SNX27: variants seen among roughly 807,000 people sequenced by gnomAD.
The protein encoded by SNX27 is sorting nexin 27.
In SNX27, 22 loss-of-function variants were observed where a neutral mutation model predicts 71.6. The observed-to-expected ratio is 0.31, with a 90% CI of 0.22 to 0.44. SNX27 has a LOEUF of 0.44. Ranked by LOEUF, SNX27 falls within the 20% of genes least tolerant of loss-of-function variation. The pLI, the probability that SNX27 is intolerant of heterozygous loss-of-function variation, is 1.00. For synonymous variants in SNX27, 269 were observed against 277.2 expected (o/e 0.97, Z 0.29); for missense variants, 531 against 698.6 (o/e 0.76, Z 2.70).
At chr1:151,626,265 C>CTT (rs201039962) in intron 1 of SNX27, among the ~76,000 whole-genome samples, 5 of 146,642 alleles carry the variant, frequency 3.4e-5, no homozygotes, top group African/African-American at 7.5e-5. Flanking sequence ...ATGTGATTAA[C>CTT]TTTTTTTTTT....
chr1:151,641,260 T>G (rs1165899945), intron 2 of SNX27, among the ~76,000 whole-genome samples: 2 of 152,116 alleles, frequency 1.3e-5, no homozygotes, highest in Non-Finnish European at 2.9e-5. Context: ...TAAGTTTAAC[T>G]TTATAAAAAA....
At chr1:151,680,223 C>G (rs982901014) in intron 7 of SNX27, 1 of 148,322 alleles carries the variant, frequency 6.7e-6, no homozygotes, top group Admixed American at 6.8e-5. Context: ...ATGATCTGGG[C>G]TCACGGAGAT....
intron 5 of SNX27, among the ~76,000 whole-genome samples, chr1:151,663,079 A>G (rs759574240): frequency 7.9e-5 from 12 of 151,918 alleles, no homozygotes; most frequent in Non-Finnish European, 1.5e-4. Context: ...CATTTTTCCA[A>G]TTGTCTAAAA....
chr1:151,644,853 C>A, intron 2 of SNX27, among the ~76,000 whole-genome samples: 1 of 152,042 alleles, frequency 6.6e-6, no homozygotes, highest in Non-Finnish European at 1.5e-5. Context: ...GGCTGGAGTG[C>A]AGTGGCGCAA....
In SNX27 at chr1:151,694,565, C is replaced by A; in HGVS notation, c.*148C>A. ...CCCTAAACTAAATATTATTAATAAC[C>A]CCCTCTGAATTTCATGTCTCTGGAA... On this transcript the variant is annotated 3_prime_UTR_variant, in exon 12 of 12. Coordinates refer to ENST00000458013, the MANE Select transcript of SNX27 (RefSeq NM_001330723.2). 1 of 737,044 alleles carries A rather than the reference C, an allele frequency of 1.4e-6. No homozygotes were observed. The highest frequency in any genetic ancestry group is 2.0e-6 in the Non-Finnish European group (1 of 488,394). The allele number at this position is 737,044 out of a possible 1,614,324, so 45.7% of individuals were successfully genotyped here. A position where few individuals can be genotyped will look rare whatever the true frequency, so the allele number is the denominator to read the frequency against.
intron 6 of SNX27, chr1:151,666,807 T>C (rs1427517598): frequency 6.6e-6 from 1 of 152,196 alleles, no homozygotes; most frequent in Non-Finnish European, 1.5e-5. Context: ...ATATTTTTTT[T>C]CTTCCCAACT....
At chr1:151,614,840 C>T (rs945125278) in intron 1 of SNX27, among the ~76,000 whole-genome samples, 2 of 152,250 alleles carry the variant, frequency 1.3e-5, no homozygotes, top group African/African-American at 4.8e-5. Flanking sequence ...AGGAACTAAA[C>T]CAAAAAGAAT....
intron 5 of SNX27, among the ~76,000 whole-genome samples, chr1:151,664,344 T>G (rs1281835401): frequency 6.6e-6 from 1 of 151,892 alleles, no homozygotes; most frequent in East Asian, 1.9e-4. Context: ...CTTTGGCCAA[T>G]GAATGCTCCT....
intron 8 of SNX27, among the ~76,000 whole-genome samples, chr1:151,691,003 C>A (rs1169097029): frequency 6.6e-6 from 1 of 152,174 alleles, no homozygotes; most frequent in African/African-American, 2.4e-5. Context: ...GAGTTCTGTT[C>A]TATACCACCC....
Position 151,612,576 on chromosome 1 carries a change from C to G in SNX27, c.311+64C>G. 8.5e-7 allele frequency: 1 copy of G among 1,181,746 alleles called. No homozygotes were observed. Among genetic ancestry groups the G allele is most frequent in the Non-Finnish European group, 1.1e-6 (1 of 920,810 alleles). 73.2% of individuals were successfully genotyped at this position (1,181,746 alleles called of 1,614,324 possible). On this transcript the variant is annotated intron_variant, in intron 1 of 11. Coordinates refer to ENST00000458013, the MANE Select transcript of SNX27 (RefSeq NM_001330723.2). This position sits in a 1 kb window ranked among gnomAD's most constrained non-coding sequence, Gnocchi z 5.2. ...GCCCCTCCTGCCCCTGCACTCCTCG[C>G]TACCCTTGTCACCCCCAGGCCGCAC...
intron 8 of SNX27, among the ~76,000 whole-genome samples, chr1:151,689,502 G>A (rs1036828431): frequency 1.3e-5 from 2 of 152,116 alleles, no homozygotes; most frequent in Non-Finnish European, 2.9e-5. Context: ...TGCCTTTGTC[G>A]GCATGCTTCT....
At chr1:151,632,684 G>T (rs1668295440) in intron 1 of SNX27, among the ~76,000 whole-genome samples, 1 of 151,980 alleles carries the variant, frequency 6.6e-6, no homozygotes, top group South Asian at 2.1e-4. Flanking sequence ...TATTTAAGCA[G>T]TTTTATGCTG....
At chr1:151,663,578 CTGTT>C (rs1670059396) in intron 5 of SNX27, among the ~76,000 whole-genome samples, 1 of 151,902 alleles carries the variant, frequency 6.6e-6, no homozygotes, top group African/African-American at 2.4e-5. Context: ...CTGAATATAT[CTGTT>C]TGTTTTCTGG....
chr1:151,664,044 A>G (rs934457127), intron 5 of SNX27, among the ~76,000 whole-genome samples: 4 of 150,218 alleles, frequency 2.7e-5, no homozygotes, highest in Non-Finnish European at 4.4e-5. Context: ...CAGGATACAT[A>G]TTTAAGCTTT....
chr1:151,657,184 G>A lies in SNX27; in HGVS notation c.544-1051G>A, dbSNP rs1669735367. ...ATTCCACTGTTGCTGAAATCATTTT[G>A]TTTTTTTGAGACAGTGTGTCCTTCT... On this transcript the variant is annotated intron_variant, in intron 2 of 11. Coordinates refer to ENST00000458013, the MANE Select transcript of SNX27 (RefSeq NM_001330723.2). Among the ~76,000 whole-genome samples, 3 of 152,086 alleles carry A rather than the reference G, an allele frequency of 2.0e-5. No individual in the cohort carries two copies. In the South Asian group the frequency reaches 6.2e-4, roughly 32 times the overall value.
rs534533655 is a variant in SNX27 at position 151,651,901 on chromosome 1, G to A, written c.544-6334G>A. Reference sequence around the variant, plus strand: ...GCCGAGATCACGCCACTGCACTCCAGCCTGGGCACCATTGAGCACTGAGTG... The same window carrying A: ...GCCGAGATCACGCCACTGCACTCCAACCTGGGCACCATTGAGCACTGAGTG... On this transcript the variant is annotated intron_variant, in intron 2 of 11. Transcript: ENST00000458013. Among the ~76,000 whole-genome samples, 1,440 of 152,096 alleles carry A rather than the reference G, an allele frequency of 9.5e-3. 29 individuals carry two copies. Among genetic ancestry groups the A allele is most frequent in the African/African-American group, 0.033 (1,353 of 41,534 alleles).
chr1:151,668,702 C>T, intron 7 of SNX27, 67 bp downstream of exon 7: 1 of 1,461,188 alleles, frequency 6.8e-7, no homozygotes. Flanking sequence ...GGTACTTTGC[C>T]AATTCCCTGT....
chr1:151,695,421 T>TC lies in SNX27; in HGVS notation c.*1004_*1005insC, dbSNP rs1322024246. ...CCTGTTTTCCTTGCCTTTTTTTTTT[T>TC]TTTTTTTTTTTTTTTCTGAGACAGG... is the stretch of plus-strand genomic sequence containing the variant. On this transcript the variant is annotated 3_prime_UTR_variant, in exon 12 of 12. Transcript: ENST00000458013. 1 of 139,454 alleles carries TC rather than the reference T, an allele frequency of 7.2e-6. No homozygotes were observed. The highest frequency in any genetic ancestry group is 2.8e-5 in the African/African-American group (1 of 36,250). The allele number at this position is 139,454 out of a possible 1,614,324, so 8.6% of individuals were successfully genotyped here.
At position 151,641,680 on chromosome 1, in the gene SNX27, ATC is replaced by A. The variant is rs1272590320; in HGVS notation, c.543+2563_543+2564del. 1.0e-4 allele frequency among the ~76,000 whole-genome samples: 14 copies of A among 138,570 alleles called. 1 individual carries two copies. The South Asian group carries it at 1.6e-3, about 16-fold the overall frequency. The allele number at this position is 138,570 out of a possible 152,430, so 90.9% of individuals were successfully genotyped here. A position where few individuals can be genotyped will look rare whatever the true frequency, so the allele number is the denominator to read the frequency against. On this transcript the variant is annotated intron_variant, in intron 2 of 11. Coordinates refer to ENST00000458013, the MANE Select transcript of SNX27 (RefSeq NM_001330723.2). The stretch of plus-strand genomic sequence containing the variant: ...TGTATCAGATATATATATCATATAT[ATC>A]TGATATATATATCATATATATGATA...
Sources: gnomAD v4.1 joint callset for allele counts (sites outside exome capture counted in the v4.1 genomes callset) on GRCh38, gnomAD v4.1.1 for gene constraint, Gnocchi (gnomAD v3.1) non-coding constraint, MANE v1.5 for transcripts, NCBI Gene and HGNC (gene_info 2026-07-23, HGNC 2026-07-21) for gene names.